Variants in TYW1 observed in about 807,000 individuals in gnomAD.
The protein encoded by TYW1 is tRNA-yW synthesizing protein 1 homolog, also known as S-adenosyl-L-methionine-dependent tRNA 4-demethylwyosine synthase TYW1.
In TYW1, 46 loss-of-function variants were observed where a neutral mutation model predicts 96.2. The observed-to-expected ratio is 0.48, with a 90% CI of 0.38 to 0.61. The LOEUF (loss-of-function observed/expected upper bound fraction) is 0.61, where lower values mean the gene tolerates loss of function less well. Among genes scored for constraint, TYW1 ranks in the 20% least tolerant of loss-of-function variants. The pLI, the probability that TYW1 is intolerant of heterozygous loss-of-function variation, is 0.00. For missense variants in TYW1, 684 were observed against 909.6 expected, an observed-to-expected ratio of 0.75 and a Z score of 3.19; for synonymous variants, 274 against 323.0, an observed-to-expected ratio of 0.85 and a Z score of 1.63.
intron 12 of TYW1, among the ~76,000 whole-genome samples, chr7:67,115,094 C>T (rs1267897051): frequency 6.6e-6 from 1 of 152,066 alleles, no homozygotes; most frequent in Non-Finnish European, 1.5e-5. Flanking sequence ...GGAGTATGGC[C>T]TTTGGAATGT....
At chr7:67,060,737 T>C (rs1425245923) in intron 9 of TYW1, among the ~76,000 whole-genome samples, 2 of 152,232 alleles carry the variant, frequency 1.3e-5, no homozygotes, top group African/African-American at 2.4e-5. Flanking sequence ...GTGAGAAAAG[T>C]AGCATTAAGA....
At chr7:67,161,971 A>G (rs1306754548) in intron 13 of TYW1, among the ~76,000 whole-genome samples, 2 of 151,982 alleles carry the variant, frequency 1.3e-5, no homozygotes. Flanking sequence ...TGCAAGACCA[A>G]GCTTCGGCAC....
chr7:67,165,159 C>A (rs4718464), intron 13 of TYW1, among the ~76,000 whole-genome samples: 42,604 of 151,822 alleles, frequency 0.28, 6,482 homozygotes, highest in African/African-American at 0.4. Context: ...ATTTGATAAG[C>A]CCAAATAGTA....
In TYW1 at chr7:67,018,201, G is replaced by A. The variant is rs1794095486; in HGVS notation, c.861+58G>A. 6 of 1,567,612 alleles carry A rather than the reference G, an allele frequency of 3.8e-6. No individual in the cohort carries two copies. The East Asian group carries it at 1.4e-4, about 35-fold the overall frequency. On this transcript the variant is annotated intron_variant, in intron 6 of 15. Coordinates refer to ENST00000359626, the MANE Select transcript of TYW1 (RefSeq NM_018264.4). ...TTCCTCTTCTGCTTGGAGATCTCGAGCTTGACCTCTTTCTCAATAAACCAT... is the reference window on the plus strand; with the variant it reads ...TTCCTCTTCTGCTTGGAGATCTCGAACTTGACCTCTTTCTCAATAAACCAT...
intron 15 of TYW1, among the ~76,000 whole-genome samples, chr7:67,230,235 C>G (rs1463875472): frequency 6.6e-6 from 1 of 151,864 alleles, no homozygotes; most frequent in East Asian, 1.9e-4. Context: ...ACACAAGATA[C>G]AGAACCAAAC....
chr7:67,089,195 T>G, intron 11 of TYW1: 1 of 800,234 alleles, frequency 1.2e-6, no homozygotes, highest in Non-Finnish European at 1.8e-6. Context: ...GCCACCCCTT[T>G]CCCCCTTATA....
At chr7:67,011,626 C>T (rs1462816919) in intron 4 of TYW1, among the ~76,000 whole-genome samples, 1 of 151,796 alleles carries the variant, frequency 6.6e-6, no homozygotes, top group Non-Finnish European at 1.5e-5. Context: ...AATCCCAGCA[C>T]TTTGGGAGGC....
At chr7:67,062,502 G>A (rs1283249610) in intron 9 of TYW1, among the ~76,000 whole-genome samples, 3 of 142,788 alleles carry the variant, frequency 2.1e-5, no homozygotes, top group Non-Finnish European at 4.5e-5. Flanking sequence ...CCCAGATGTA[G>A]CCCATCTGCA....
intron 10 of TYW1, among the ~76,000 whole-genome samples, chr7:67,072,314 T>C (rs1301482030): frequency 6.6e-6 from 1 of 151,426 alleles, no homozygotes; most frequent in African/African-American, 2.4e-5. Flanking sequence ...TGGGATGATC[T>C]TGGCTCACCG....
intron 13 of TYW1, among the ~76,000 whole-genome samples, chr7:67,172,961 A>G (rs1052209987): frequency 3.6e-5 from 5 of 137,172 alleles, no homozygotes; most frequent in Non-Finnish European, 6.3e-5. Flanking sequence ...CTCTACAAAA[A>G]GTAAAAAAAA....
chr7:67,193,922 G>C (rs1463739078), intron 14 of TYW1, among the ~76,000 whole-genome samples: 1 of 151,836 alleles, frequency 6.6e-6, no homozygotes, highest in South Asian at 2.1e-4. Context: ...CTCCCTCCAA[G>C]TTATTCCCCA....
intron 4 of TYW1, among the ~76,000 whole-genome samples, chr7:67,013,442 T>G (rs1402266997): frequency 3.3e-5 from 5 of 152,050 alleles, no homozygotes; most frequent in Non-Finnish European, 7.4e-5. Context: ...TGCCTTGATA[T>G]GGATATTCAC....
intron 5 of TYW1, among the ~76,000 whole-genome samples, chr7:67,017,545 A>G (rs1794066989): frequency 6.6e-6 from 1 of 152,034 alleles, no homozygotes. Flanking sequence ...TGTTCTTATC[A>G]TGATATAGAA....
At chr7:67,190,514 G>A (rs1014642951) in intron 14 of TYW1, among the ~76,000 whole-genome samples, 9 of 152,208 alleles carry the variant, frequency 5.9e-5, no homozygotes, top group Non-Finnish European at 8.8e-5. Flanking sequence ...GTCAGATAGC[G>A]TAGAGGTTCC....
Position 67,086,634 on chromosome 7 carries a change from C to A in TYW1, c.1384+3095C>A, listed in dbSNP as rs1796555477. Among the ~76,000 whole-genome samples, 6 of 152,162 alleles carry A rather than the reference C, an allele frequency of 3.9e-5. No homozygotes were observed. In the South Asian group the frequency reaches 1.2e-3, roughly 32 times the overall value. ...TTCAAGTTCAAAGGCATTATCCTGG[C>A]AGAATTCCTTCTTGCTTGGAACAGG... On this transcript the variant is annotated intron_variant, in intron 11 of 15. Transcript: ENST00000359626.
chr7:67,004,314 G>A (rs1004318215), intron 3 of TYW1, among the ~76,000 whole-genome samples: 17 of 151,498 alleles, frequency 1.1e-4, no homozygotes, highest in African/African-American at 4.1e-4. Context: ...TTTGGGTCCT[G>A]GGGGCAGATC....
intron 4 of TYW1, among the ~76,000 whole-genome samples, chr7:67,010,366 A>G (rs1793750955): frequency 6.6e-6 from 1 of 151,972 alleles, no homozygotes; most frequent in South Asian, 2.1e-4. Context: ...CAGGCTCTGG[A>G]GTACAGTGGT....
chr7:67,154,977 T>A (rs1005900847), intron 13 of TYW1, among the ~76,000 whole-genome samples: 1 of 152,220 alleles, frequency 6.6e-6, no homozygotes, highest in Admixed American at 6.5e-5. Flanking sequence ...CTCTTGATTT[T>A]ATTTTTTATT....
At chr7:67,063,869 T>TTTG (rs1562992529) in intron 9 of TYW1, among the ~76,000 whole-genome samples, 1 of 151,906 alleles carries the variant, frequency 6.6e-6, no homozygotes, top group African/African-American at 2.4e-5. Flanking sequence ...CCCAAAGTGC[T>TTTG]GGATTACAGG....
Sources: allele counts gnomAD v4.1 joint callset (sites outside exome capture counted in the v4.1 genomes callset), GRCh38; gene constraint gnomAD v4.1.1; transcripts MANE v1.5; gene names NCBI Gene and HGNC (gene_info 2026-07-23, HGNC 2026-07-21).